The following COLEC12 variants were observed in gnomAD, a reference collection of about 807,000 sequenced individuals.
The protein encoded by COLEC12 is collectin subfamily member 12.
In COLEC12, 33 loss-of-function variants were observed where a neutral mutation model predicts 71.1. The observed-to-expected ratio is 0.46, with a 90% CI of 0.35 to 0.62. COLEC12 has a LOEUF of 0.62. COLEC12 is among the 20% of genes least tolerant of loss of function. The pLI, the probability that COLEC12 is intolerant of heterozygous loss-of-function variation, is 0.00. For synonymous variants in COLEC12, 350 were observed against 353.0 expected, an observed-to-expected ratio of 0.99 and a Z score of 0.10; for missense variants, 765 against 916.1, an observed-to-expected ratio of 0.84 and a Z score of 2.13.
intron 2 of COLEC12, among the ~76,000 whole-genome samples, chr18:363,347 G>A (rs1433229216): frequency 2.0e-5 from 3 of 152,212 alleles, no homozygotes; most frequent in Non-Finnish European, 4.4e-5. Context: ...GGTAGGTGGA[G>A]GCCGGCACTG....
At chr18:424,196 A>AC (rs1916153784) in intron 2 of COLEC12, 4 of 152,320 alleles carry the variant, frequency 2.6e-5, no homozygotes, top group Non-Finnish European at 4.4e-5. Flanking sequence ...ACATCAGTGC[A>AC]GCCAGCCTGG....
At chr18:347,653 AT>A (rs895623655) in intron 4 of COLEC12, among the ~76,000 whole-genome samples, 7 of 151,514 alleles carry the variant, frequency 4.6e-5, no homozygotes, top group African/African-American at 7.3e-5. Context: ...AATTTCCCAA[AT>A]TTTTTTTTAA....
At chr18:490,962 A>G (rs1917609180) in intron 1 of COLEC12, among the ~76,000 whole-genome samples, 1 of 152,382 alleles carries the variant, frequency 6.6e-6, no homozygotes, top group East Asian at 1.9e-4. Context: ...ACCAGGGTCC[A>G]TTCCCAGCTC....
intron 3 of COLEC12, among the ~76,000 whole-genome samples, chr18:350,202 T>TG (rs1485552474): frequency 2.6e-5 from 4 of 152,342 alleles, no homozygotes; most frequent in East Asian, 3.9e-4. Context: ...ATTTGAATCA[T>TG]GGGGGCGGTT....
chr18:331,578 A>T, intron 8 of COLEC12, 90 bp downstream of exon 8: 1 of 811,704 alleles, frequency 1.2e-6, no homozygotes, highest in Non-Finnish European at 2.1e-6. Context: ...ACACGAGGTC[A>T]TTAAGGAAGA....
chr18:337,537 C>T (rs557292417), intron 5 of COLEC12, among the ~76,000 whole-genome samples: 14 of 152,296 alleles, frequency 9.2e-5, no homozygotes, highest in Non-Finnish European at 1.5e-4. Flanking sequence ...AGAGAGTTTA[C>T]GCTAATGGCA....
chr18:487,879 T>A (rs1271070752), intron 1 of COLEC12, among the ~76,000 whole-genome samples: 1 of 152,170 alleles, frequency 6.6e-6, no homozygotes, highest in Admixed American at 6.5e-5. Flanking sequence ...AGTTTCCAAT[T>A]GACCTGTGTA....
chr18:464,400 G>A (rs1256111236), intron 2 of COLEC12, among the ~76,000 whole-genome samples: 1 of 152,164 alleles, frequency 6.6e-6, no homozygotes, highest in African/African-American at 2.4e-5. Flanking sequence ...ATTTCCCCAT[G>A]GGACAGGCAC....
chr18:342,190 T>C (rs891127595), intron 5 of COLEC12, among the ~76,000 whole-genome samples: 9 of 152,196 alleles, frequency 5.9e-5, no homozygotes, highest in Non-Finnish European at 1.3e-4. Context: ...CCCAAGTAGC[T>C]GGGATTACGG....
intron 2 of COLEC12, among the ~76,000 whole-genome samples, chr18:400,539 C>T (rs971120833): frequency 2.6e-5 from 4 of 152,162 alleles, no homozygotes; most frequent in African/African-American, 7.2e-5. Flanking sequence ...ACCCCTAGTA[C>T]TTTCTTCCAC....
chr18:470,992 A>G (rs1372291310), intron 2 of COLEC12, among the ~76,000 whole-genome samples: 1 of 152,212 alleles, frequency 6.6e-6, no homozygotes, highest in Non-Finnish European at 1.5e-5. Context: ...ATAAGAATGC[A>G]GTCTGGATTT....
intron 4 of COLEC12, among the ~76,000 whole-genome samples, chr18:347,653 A>AT: frequency 6.6e-6 from 1 of 151,622 alleles, no homozygotes; most frequent in African/African-American, 2.4e-5. Flanking sequence ...AATTTCCCAA[A>AT]TTTTTTTTTA....
chr18:442,771 C>T (rs1916568412), intron 2 of COLEC12, among the ~76,000 whole-genome samples: 1 of 152,240 alleles, frequency 6.6e-6, no homozygotes, highest in Non-Finnish European at 1.5e-5. Flanking sequence ...ACCATCCTGG[C>T]TAACACGGTG....
chr18:424,764 T>G (rs1916164276), intron 2 of COLEC12, among the ~76,000 whole-genome samples: 1 of 152,170 alleles, frequency 6.6e-6, no homozygotes, highest in Non-Finnish European at 1.5e-5. Flanking sequence ...AACAAGTATG[T>G]TGGACCTACT....
intron 3 of COLEC12, among the ~76,000 whole-genome samples, chr18:349,746 G>C (rs142906814): frequency 1.3e-5 from 2 of 152,232 alleles, no homozygotes; most frequent in Admixed American, 6.5e-5. Context: ...GCATGACCGG[G>C]ATGTGCGACC....
At chr18:336,576 T>G (rs975791977) in intron 5 of COLEC12, among the ~76,000 whole-genome samples, 1 of 152,210 alleles carries the variant, frequency 6.6e-6, no homozygotes, top group Non-Finnish European at 1.5e-5. Flanking sequence ...ACATACATTA[T>G]GCCACCTGAC....
At chr18:383,608 G>A (rs921112905) in intron 2 of COLEC12, among the ~76,000 whole-genome samples, 1 of 152,092 alleles carries the variant, frequency 6.6e-6, no homozygotes, top group African/African-American at 2.4e-5. Flanking sequence ...TTTAGCTTAC[G>A]GAGAGATCTA....
chr18:365,648 T>C (rs918340417), intron 2 of COLEC12, among the ~76,000 whole-genome samples: 4 of 152,112 alleles, frequency 2.6e-5, no homozygotes, highest in Admixed American at 6.5e-5. Context: ...GTTTATCAGA[T>C]GGCGATTAAA....
At chr18:464,234 T>C (rs972569235) in intron 2 of COLEC12, among the ~76,000 whole-genome samples, 1 of 152,210 alleles carries the variant, frequency 6.6e-6, no homozygotes, top group Non-Finnish European at 1.5e-5. Context: ...AACTTGGCTG[T>C]AGCAACCTTG....
Sources: allele counts gnomAD v4.1 joint callset (sites outside exome capture counted in the v4.1 genomes callset), GRCh38; gene constraint gnomAD v4.1.1; transcripts MANE v1.5; gene names NCBI Gene and HGNC (gene_info 2026-07-23, HGNC 2026-07-21).